Variants in SMYD3 observed in about 807,000 individuals in gnomAD.
SMYD3 encodes SET and MYND domain containing 3, also known as histone-lysine N-methyltransferase SMYD3.
A neutral mutation model predicts 57.7 loss-of-function variants in SMYD3; 36 were observed. The observed-to-expected ratio is 0.62, with a 90% CI of 0.48 to 0.82. The LOEUF (loss-of-function observed/expected upper bound fraction) is 0.82. SMYD3 is among the 40% of genes least tolerant of loss of function. The pLI is 0.00. For synonymous variants in SMYD3, 211 were observed against 195.0 expected (o/e 1.08, Z -0.68); for missense variants, 515 against 538.8 (o/e 0.96, Z 0.44).
chr1:246,219,480 A>G (rs1023264695), intron 5 of SMYD3, among the ~76,000 whole-genome samples: 1 of 151,710 alleles, frequency 6.6e-6, no homozygotes, highest in Non-Finnish European at 1.5e-5. Flanking sequence ...TGGCAATAAA[A>G]CTCCCTGCAT....
At chr1:246,458,734 G>C (rs1465247039) in intron 1 of SMYD3, among the ~76,000 whole-genome samples, 1 of 149,658 alleles carries the variant, frequency 6.7e-6, no homozygotes, top group African/African-American at 2.5e-5. Flanking sequence ...CCAAAGTGCT[G>C]GGATTACAGG....
intron 5 of SMYD3, among the ~76,000 whole-genome samples, chr1:246,269,424 C>T (rs999034870): frequency 4.6e-5 from 7 of 152,090 alleles, no homozygotes; most frequent in African/African-American, 1.4e-4. Flanking sequence ...GGTGATAGAA[C>T]CACGATTAGA....
At chr1:245,951,276 C>T (rs942308583) in intron 5 of SMYD3, among the ~76,000 whole-genome samples, 5 of 151,802 alleles carry the variant, frequency 3.3e-5, no homozygotes, top group African/African-American at 7.3e-5. Flanking sequence ...TGCTTTACCG[C>T]GATGCACAGT....
chr1:245,965,710 T>C (rs147986346), intron 5 of SMYD3, among the ~76,000 whole-genome samples: 11 of 152,248 alleles, frequency 7.2e-5, no homozygotes, highest in African/African-American at 2.4e-4. Context: ...AAAAGATCAA[T>C]GGTGGCCAGA....
At chr1:245,900,443 G>T (rs911127929) in intron 8 of SMYD3, among the ~76,000 whole-genome samples, 6 of 152,102 alleles carry the variant, frequency 3.9e-5, no homozygotes, top group African/African-American at 1.2e-4. Context: ...TAGATACACT[G>T]ACTGGGGTTT....
chr1:246,131,213 T>G (rs6672297), intron 5 of SMYD3, among the ~76,000 whole-genome samples: 9,347 of 152,264 alleles, frequency 0.061, 352 homozygotes, highest in Non-Finnish European at 0.07. Flanking sequence ...ATTAGTATTA[T>G]AGGGGGTTGC....
rs1039553199 is a variant in SMYD3, at chr1:246,140,774, C to T, written c.531+186427G>A. On this transcript the variant is annotated intron_variant, in intron 5 of 11. Transcript: ENST00000490107. ...ACTATAAGCACATGCCATCATGCCC[C>T]GTTAGAGATGGAGTCTCACTATGTT... is the stretch of plus-strand genomic sequence containing the variant. 4.6e-5 allele frequency among the ~76,000 whole-genome samples: 7 copies of T among 152,110 alleles called. No individual in the cohort carries two copies. The East Asian group carries it at 1.2e-3, about 25-fold the overall frequency.
At chr1:246,378,157 A>G (rs999237999) in intron 1 of SMYD3, among the ~76,000 whole-genome samples, 5 of 152,220 alleles carry the variant, frequency 3.3e-5, no homozygotes, top group African/African-American at 1.2e-4. Flanking sequence ...TTTCTCACAG[A>G]CTGTGTCTGT....
chr1:246,214,964 C>A (rs1407546085), intron 5 of SMYD3, among the ~76,000 whole-genome samples: 2 of 152,034 alleles, frequency 1.3e-5, no homozygotes, highest in African/African-American at 4.8e-5. Context: ...CATGGAAACA[C>A]TTAATTTTCT....
At chr1:245,906,714 C>T (rs1445816134) in intron 8 of SMYD3, among the ~76,000 whole-genome samples, 1 of 152,142 alleles carries the variant, frequency 6.6e-6, no homozygotes, top group Non-Finnish European at 1.5e-5. Context: ...CAGCACTGTT[C>T]ACAATAGCTA....
intron 5 of SMYD3, among the ~76,000 whole-genome samples, chr1:246,008,535 A>C (rs2059218241): frequency 6.6e-6 from 1 of 152,198 alleles, no homozygotes; most frequent in Admixed American, 6.5e-5. Context: ...AAGAGCTGTA[A>C]GAATGCCATG....
intron 1 of SMYD3, among the ~76,000 whole-genome samples, chr1:246,442,246 T>C (rs892121109): frequency 2.0e-5 from 3 of 152,150 alleles, no homozygotes; most frequent in Non-Finnish European, 4.4e-5. Context: ...TAAACCCTTA[T>C]GGAAAAGTCT....
At chr1:246,489,347 A>G (rs2068234942) in intron 1 of SMYD3, among the ~76,000 whole-genome samples, 1 of 152,100 alleles carries the variant, frequency 6.6e-6, no homozygotes, top group African/African-American at 2.4e-5. Flanking sequence ...GCGAGACTCC[A>G]TCTCAAAAAA....
chr1:246,098,793 GAT>G (rs748142773), intron 5 of SMYD3, among the ~76,000 whole-genome samples: 5 of 147,346 alleles, frequency 3.4e-5, no homozygotes, highest in South Asian at 4.3e-4. Context: ...TATAAAGAAA[GAT>G]ATGTGTAGTT....
intron 4 of SMYD3, among the ~76,000 whole-genome samples, chr1:246,330,166 A>G (rs1279108640): frequency 6.6e-6 from 1 of 152,210 alleles, no homozygotes; most frequent in Non-Finnish European, 1.5e-5. Context: ...AAAACAGAAC[A>G]GGAAACCAAG....
At chr1:246,194,569 A>C (rs1001684946) in intron 5 of SMYD3, among the ~76,000 whole-genome samples, 4 of 152,206 alleles carry the variant, frequency 2.6e-5, no homozygotes, top group Non-Finnish European at 5.9e-5. Flanking sequence ...ACCCGGCTGC[A>C]TGCCACAGTT....
intron 5 of SMYD3, among the ~76,000 whole-genome samples, chr1:245,977,845 A>G (rs1205871014): frequency 3.3e-5 from 5 of 152,154 alleles, no homozygotes; most frequent in African/African-American, 1.2e-4. Context: ...TACTACTTTT[A>G]TAGTGCACTC....
At chr1:245,823,045 T>C (rs2049265365) in intron 10 of SMYD3, among the ~76,000 whole-genome samples, 1 of 152,192 alleles carries the variant, frequency 6.6e-6, no homozygotes, top group African/African-American at 2.4e-5. Flanking sequence ...AATTATGACA[T>C]TCTTTTTCTG....
intron 5 of SMYD3, among the ~76,000 whole-genome samples, chr1:246,323,279 G>C (rs1384051412): frequency 6.6e-6 from 1 of 152,152 alleles, no homozygotes; most frequent in Non-Finnish European, 1.5e-5. Flanking sequence ...ATTAACACTG[G>C]TGCTAAGAGT....
Sources: allele counts gnomAD v4.1 joint callset (sites outside exome capture counted in the v4.1 genomes callset), GRCh38; gene constraint gnomAD v4.1.1; transcripts MANE v1.5; gene names NCBI Gene and HGNC (gene_info 2026-07-23, HGNC 2026-07-21).